CCDC171: variants seen among roughly 807,000 people sequenced by gnomAD.
The protein encoded by CCDC171 is coiled-coil domain-containing protein 171.
CCDC171 carries 177 observed loss-of-function variants against 168.2 expected under a neutral mutation model. The observed-to-expected ratio is 1.05, with a 90% CI of 0.93 to 1.19. The LOEUF (loss-of-function observed/expected upper bound fraction) is 1.19, where lower values mean the gene tolerates loss of function less well. CCDC171 is among the 50% of genes most tolerant of loss of function. The probability of loss-of-function intolerance (pLI) is 0.00; values close to 1 mark genes in which losing one functional copy is unlikely to be tolerated. For synonymous variants in CCDC171, 687 were observed against 540.8 expected, an observed-to-expected ratio of 1.27 and a Z score of -3.75; for missense variants, 1,991 against 1,539.0, an observed-to-expected ratio of 1.29 and a Z score of -4.91.
intron 21 of CCDC171, among the ~76,000 whole-genome samples, chr9:15,840,365 C>T (rs2060627218): frequency 6.6e-6 from 1 of 152,014 alleles, no homozygotes; most frequent in Non-Finnish European, 1.5e-5. Context: ...TAGCTCGACT[C>T]GTTTAAAATA....
chr9:15,649,758 A>G (rs532156146), intron 7 of CCDC171, among the ~76,000 whole-genome samples: 41 of 152,270 alleles, frequency 2.7e-4, no homozygotes, highest in African/African-American at 4.3e-4. Context: ...AACAGGTGCT[A>G]GAGAGGATGT....
chr9:15,815,884 C>T (rs1184578249), intron 21 of CCDC171, among the ~76,000 whole-genome samples: 1 of 116,898 alleles, frequency 8.6e-6, no homozygotes, highest in Non-Finnish European at 1.9e-5. Flanking sequence ...ACCTATAAGA[C>T]AGTTAATTAT....
intron 8 of CCDC171, among the ~76,000 whole-genome samples, chr9:15,664,274 G>C (rs1052535081): frequency 6.6e-6 from 1 of 151,800 alleles, no homozygotes; most frequent in South Asian, 2.1e-4. Context: ...TTTGAGACAG[G>C]TTCTTGCTCT....
intron 1 of CCDC171, among the ~76,000 whole-genome samples, chr9:15,558,150 T>C (rs903549054): frequency 9.2e-5 from 14 of 152,158 alleles, no homozygotes; most frequent in Non-Finnish European, 1.9e-4. Flanking sequence ...CAGTATTTTA[T>C]TGAGGATTTT....
intron 18 of CCDC171, among the ~76,000 whole-genome samples, chr9:15,757,822 A>G (rs946579901): frequency 1.3e-5 from 2 of 152,184 alleles, no homozygotes; most frequent in African/African-American, 2.4e-5. Flanking sequence ...AGCTTGGTCC[A>G]TGGCTTCAGA....
At chr9:15,780,692 T>C (rs980200807) in intron 20 of CCDC171, among the ~76,000 whole-genome samples, 6 of 152,162 alleles carry the variant, frequency 3.9e-5, no homozygotes, top group African/African-American at 1.4e-4. Flanking sequence ...ATTTTGTATG[T>C]ATAGTTTGCA....
intron 21 of CCDC171, among the ~76,000 whole-genome samples, chr9:15,810,757 G>C (rs531142243): frequency 6.6e-6 from 1 of 152,314 alleles, no homozygotes; most frequent in South Asian, 2.1e-4. Flanking sequence ...AGTGCTGCGC[G>C]CAGCCCTGGT....
At chr9:15,742,573 G>A (rs1258467396) in intron 16 of CCDC171, among the ~76,000 whole-genome samples, 1 of 152,204 alleles carries the variant, frequency 6.6e-6, no homozygotes, top group East Asian at 1.9e-4. Flanking sequence ...CTGCTTCTCA[G>A]AGTTCCTTGC....
At chr9:15,669,149 T>C (rs964390247) in intron 9 of CCDC171, among the ~76,000 whole-genome samples, 3 of 152,312 alleles carry the variant, frequency 2.0e-5, no homozygotes, top group Non-Finnish European at 2.9e-5. Context: ...TGCAGAGTTA[T>C]AGTTTTGGTC....
chr9:15,868,897 A>G (rs1469859832), intron 23 of CCDC171, among the ~76,000 whole-genome samples: 1 of 151,980 alleles, frequency 6.6e-6, no homozygotes, highest in East Asian at 1.9e-4. Context: ...TTCTGTGGAT[A>G]CCAATATCCA....
At chr9:15,780,629 G>A (rs556852318) in intron 20 of CCDC171, among the ~76,000 whole-genome samples, 9 of 152,208 alleles carry the variant, frequency 5.9e-5, no homozygotes, top group Non-Finnish European at 5.9e-5. Context: ...TCCACATTTC[G>A]TGTGTATATA....
intron 9 of CCDC171, among the ~76,000 whole-genome samples, chr9:15,677,476 G>A (rs2049667507): frequency 6.6e-6 from 1 of 151,950 alleles, no homozygotes; most frequent in Non-Finnish European, 1.5e-5. Context: ...TAGTAATTTA[G>A]ACTGCATTAT....
At chr9:15,599,437 G>A (rs1352239457) in intron 6 of CCDC171, among the ~76,000 whole-genome samples, 1 of 152,038 alleles carries the variant, frequency 6.6e-6, no homozygotes, top group African/African-American at 2.4e-5. Context: ...TGAAATTCTG[G>A]GTTGAAAATT....
chr9:15,801,534 C>G (rs1456347693), intron 21 of CCDC171, among the ~76,000 whole-genome samples: 1 of 151,882 alleles, frequency 6.6e-6, no homozygotes, highest in Non-Finnish European at 1.5e-5. Flanking sequence ...TTAGGTTTTT[C>G]CAAATATAAG....
At chr9:15,767,696 A>G (rs1156328510) in intron 18 of CCDC171, among the ~76,000 whole-genome samples, 1 of 151,616 alleles carries the variant, frequency 6.6e-6, no homozygotes, top group African/African-American at 2.4e-5. Flanking sequence ...ATTGCTGATC[A>G]CTTCCTTCTT....
In CCDC171 at chr9:15,623,463, A is replaced by ACGCGCGCGCGCGCGCGCGCGCGCG. The variant is rs144676393; in HGVS notation, c.822+50_822+51insCGCGCGCGCGCGCGCGCGCGCGCG. ...TATATATGCGTACAAACTTTCACAT[A>ACGCGCGCGCGCGCGCGCGCGCGCG]TGCGCGCGCGCGCACACACACACAC... On this transcript the variant is annotated intron_variant, in intron 7 of 25. Transcript: ENST00000380701. 2.4e-5 allele frequency: 15 copies of ACGCGCGCGCGCGCGCGCGCGCGCG among 636,450 alleles called. 3 individuals carry two copies. The highest frequency in any genetic ancestry group is 8.3e-5 in the East Asian group (2 of 24,208). 39.4% of individuals were successfully genotyped at this position (636,450 alleles called of 1,614,324 possible).
chr9:15,619,440 G>T (rs1379599351), intron 6 of CCDC171, among the ~76,000 whole-genome samples: 2 of 152,138 alleles, frequency 1.3e-5, no homozygotes, highest in East Asian at 1.9e-4. Flanking sequence ...TAGTGGTCTG[G>T]ATAGATCAAA....
At chr9:15,777,992 A>G (rs1411940384) in intron 19 of CCDC171, among the ~76,000 whole-genome samples, 166 bp downstream of exon 19, 2 of 152,192 alleles carry the variant, frequency 1.3e-5, no homozygotes, top group Non-Finnish European at 2.9e-5. Flanking sequence ...TAAGTGTCCA[A>G]AATATCTAAA....
intron 2 of CCDC171, among the ~76,000 whole-genome samples, chr9:15,567,820 A>G (rs1037823689): frequency 6.6e-6 from 1 of 151,466 alleles, no homozygotes; most frequent in South Asian, 2.1e-4. Flanking sequence ...TGGCTGGCCA[A>G]TTTTTTTTAT....
Sources: allele counts gnomAD v4.1 joint callset (sites outside exome capture counted in the v4.1 genomes callset), GRCh38; gene constraint gnomAD v4.1.1; transcripts MANE v1.5; gene names NCBI Gene and HGNC (gene_info 2026-07-23, HGNC 2026-07-21).